NLRC5: variants seen among roughly 807,000 people sequenced by gnomAD.
NLRC5 encodes protein NLRC5.
In NLRC5, 114 loss-of-function variants were observed where a neutral mutation model predicts 206.9. The observed-to-expected ratio is 0.55, with a 90% confidence interval of 0.47 to 0.64. The LOEUF (loss-of-function observed/expected upper bound fraction) is 0.64. NLRC5 is among the 30% of genes least tolerant of loss of function. The probability of loss-of-function intolerance (pLI) is 0.00; values close to 1 mark genes in which losing one functional copy is unlikely to be tolerated. For missense variants in NLRC5, 2,008 were observed against 2,305.5 expected (o/e 0.87, Z 2.64); for synonymous variants, 952 against 962.8 (o/e 0.99, Z 0.21).
intron 4 of NLRC5, 31 bp downstream of exon 4, chr16:57,022,346 G>A (rs755572845): frequency 3.1e-6 from 5 of 1,593,760 alleles, no homozygotes; most frequent in East Asian, 2.3e-5. Context: ...GTGGGAAGGG[G>A]GTGGTGAGCA....
intron 38 of NLRC5, among the ~76,000 whole-genome samples, chr16:57,071,071 AGAGTTGTGAGTGAGTG>A (rs2067660740): frequency 1.2e-5 from 1 of 81,334 alleles, no homozygotes; most frequent in Admixed American, 1.4e-4. Flanking sequence ...TTAATGGGGA[AGAGTTGTGAGTGAGTG>A]GTGTTGGTGG....
chr16:57,059,190 T>C, intron 29 of NLRC5, 129 bp downstream of exon 29: 1 of 1,565,458 alleles, frequency 6.4e-7, no homozygotes, highest in Non-Finnish European at 8.6e-7. Context: ...AACCTCTGCC[T>C]TTCTCTGAAT....
At chr16:57,057,967 A>G in intron 27 of NLRC5, 98 bp from the exon 28 acceptor site, 1 of 932,196 alleles carries the variant, frequency 1.1e-6, no homozygotes, top group African/African-American at 1.6e-5. Context: ...CATGGGGTCC[A>G]GTAGCAGTGA....
Position 57,036,195 on chromosome 16 carries a change from AC to A in NLRC5, c.2711+16del. The A allele has an allele frequency of 6.2e-7, 1 of 1,611,414 alleles. No homozygotes were observed. On this transcript the variant is annotated intron_variant, in intron 14 of 48. Transcript: ENST00000688547. ...GCCAGGAAGCTGGAGTGAGTTGTCC[AC>A]CCCACCGCTGGGTACCAGGGAAGGC...
At chr16:57,044,090 G>A (rs2063623523) in intron 20 of NLRC5, among the ~76,000 whole-genome samples, 1 of 151,178 alleles carries the variant, frequency 6.6e-6, no homozygotes, top group South Asian at 2.1e-4. Context: ...CGTGAGGTCA[G>A]GAGTTTGAGA....
At chr16:57,018,585 C>T (rs150137410) in intron 2 of NLRC5, among the ~76,000 whole-genome samples, 500 of 152,266 alleles carry the variant, frequency 3.3e-3, no homozygotes, top group African/African-American at 0.011. Flanking sequence ...CTACTGCATG[C>T]CCAGGGAGCA....
intron 1 of NLRC5, among the ~76,000 whole-genome samples, chr16:57,000,812 T>C (rs117426126): frequency 0.045 from 6,843 of 152,188 alleles, 251 homozygotes; most frequent in South Asian, 0.17. Context: ...GGGGAGGAAA[T>C]GGCCACTAAC....
chr16:57,034,262 C>G lies in NLRC5; in HGVS notation c.2627+11C>G. The G allele has an allele frequency of 2.8e-6, 4 of 1,440,198 alleles. No individual in the cohort carries two copies. The highest frequency in any genetic ancestry group is 3.7e-6 in the Non-Finnish European group (4 of 1,070,572). The allele number at this position is 1,440,198 out of a possible 1,614,324, so 89.2% of individuals were successfully genotyped here. A position where few individuals can be genotyped will look rare whatever the true frequency, so the allele number is the denominator to read the frequency against. ...CCTGGAGGAAGTGGAGTGAGTATCACGGGAAGCCCTGGCGTAGGAGCCAGG... is the reference window on the plus strand; with the variant it reads ...CCTGGAGGAAGTGGAGTGAGTATCAGGGGAAGCCCTGGCGTAGGAGCCAGG... On this transcript the variant is annotated intron_variant, in intron 13 of 48. Coordinates refer to ENST00000688547, the MANE Select transcript of NLRC5 (RefSeq NM_001384950.1).
chr16:57,046,520 G>C (rs763333041), intron 21 of NLRC5, 32 bp from the exon 22 acceptor site: 1 of 1,593,994 alleles, frequency 6.3e-7, no homozygotes, highest in Non-Finnish European at 8.6e-7. Context: ...GGGGTGATCT[G>C]AACTTTCCTT....
In NLRC5 at chr16:57,028,136, G is replaced by C. The variant is rs748383955; in HGVS notation, c.2140G>C (p.Gly714Arg). ...EALSRSLPTM[G>R]RLQMLGLAGS... The stretch of plus-strand genomic sequence containing the variant: ...CCTCTCCAGGAGCTTGCCGACAATG[G>C]GGAGGCTGCAGATGCTGGGGTGAGC... The change falls in exon 7 of 49, where the codon GGG becomes CGG. Residue 714 changes from glycine to arginine, a missense_variant. Transcript: ENST00000688547. 3.1e-6 allele frequency: 5 copies of C among 1,613,446 alleles called. No individual in the cohort carries two copies. The South Asian group carries it at 5.5e-5, about 18-fold the overall frequency.
rs112187965 is a variant in NLRC5 at position 57,069,540 on chromosome 16, G to C, written c.4500-296G>C. Among the ~76,000 whole-genome samples the C allele has an allele frequency of 3.9e-3, 595 of 152,346 alleles. 4 individuals are homozygous for C. The highest frequency in any genetic ancestry group is 0.014 in the African/African-American group (579 of 41,566). On this transcript the variant is annotated intron_variant, in intron 36 of 48. Coordinates refer to ENST00000688547, the MANE Select transcript of NLRC5 (RefSeq NM_001384950.1). ...TATTTGCTTTAAAGATGCAGAGTTT[G>C]TAATAAACAACAGTAACTAGCTAAA...
intron 1 of NLRC5, among the ~76,000 whole-genome samples, chr16:57,009,077 G>A (rs928178637): frequency 8.5e-5 from 13 of 152,074 alleles, no homozygotes; most frequent in African/African-American, 2.9e-4. Context: ...TGGATCATGA[G>A]GTCAGGAGCT....
chr16:57,004,766 G>A (rs1169433303), intron 1 of NLRC5, among the ~76,000 whole-genome samples: 1 of 152,212 alleles, frequency 6.6e-6, no homozygotes, highest in Non-Finnish European at 1.5e-5. Flanking sequence ...TGTGTCAACA[G>A]CATTTTCAGG....
intron 28 of NLRC5, chr16:57,058,635 A>T (rs1182604434): frequency 2.7e-6 from 1 of 367,250 alleles, no homozygotes; most frequent in Admixed American, 4.0e-5. Context: ...GCTCCAGGAC[A>T]CCACTTGTTG....
Position 57,082,579 on chromosome 16 carries a change from C to A in NLRC5, c.*51C>A. The A allele has an allele frequency of 1.5e-6, 2 of 1,345,842 alleles. No homozygotes were observed. Among genetic ancestry groups the A allele is most frequent in the South Asian group, 1.2e-5 (1 of 82,568 alleles). 83.4% of individuals were successfully genotyped at this position (1,345,842 alleles called of 1,614,324 possible). A position where few individuals can be genotyped will look rare whatever the true frequency, so the allele number is the denominator to read the frequency against. On this transcript the variant is annotated 3_prime_UTR_variant, in exon 49 of 49. Transcript: ENST00000688547. ...CAGCCAAGTGATGCACCCAAATGAT[C>A]CACCTTTCGCCCACTGGGATAATTG...
At chr16:57,063,464 A>G (rs1371443300) in intron 32 of NLRC5, among the ~76,000 whole-genome samples, 2 of 152,112 alleles carry the variant, frequency 1.3e-5, no homozygotes, top group African/African-American at 4.8e-5. Context: ...GATGGACCAC[A>G]TTTTGTGTAT....
intron 16 of NLRC5, 106 bp downstream of exon 16, chr16:57,039,955 C>A: frequency 1.0e-6 from 1 of 987,992 alleles, no homozygotes; most frequent in Non-Finnish European, 1.6e-6. Flanking sequence ...GTGACCTGGA[C>A]AAATTCACGG....
intron 13 of NLRC5, chr16:57,034,473 C>A: frequency 1.8e-6 from 1 of 545,050 alleles, no homozygotes; most frequent in Non-Finnish European, 3.3e-6. Context: ...CTCCTCACAT[C>A]TCTGTGATGT....
At chr16:57,060,539 A>C (rs2066326882) in intron 30 of NLRC5, among the ~76,000 whole-genome samples, 1 of 151,386 alleles carries the variant, frequency 6.6e-6, no homozygotes, top group African/African-American at 2.4e-5. Context: ...CACACACCAC[A>C]CAATACACAC....
Sources: allele counts gnomAD v4.1 joint callset (sites outside exome capture counted in the v4.1 genomes callset), GRCh38; gene constraint gnomAD v4.1.1; transcripts MANE v1.5; gene names NCBI Gene and HGNC (gene_info 2026-07-23, HGNC 2026-07-21).